The following GRIN2B variants were observed in gnomAD, a reference collection of about 807,000 sequenced individuals.
GRIN2B encodes glutamate ionotropic receptor NMDA type subunit 2B, also known as glutamate receptor ionotropic, NMDA 2B.
GRIN2B carries 5 observed loss-of-function variants against 114.5 expected under a neutral mutation model. The observed-to-expected ratio is 0.04, with a 90% CI of 0.02 to 0.09. The LOEUF is 0.09. Ranked by LOEUF, GRIN2B falls within the 10% of genes least tolerant of loss-of-function variation. The pLI, the probability that GRIN2B is intolerant of heterozygous loss-of-function variation, is 1.00. For missense variants in GRIN2B, 1,108 were observed against 1,943.5 expected, an observed-to-expected ratio of 0.57 and a Z score of 8.08; for synonymous variants, 787 against 745.1, an observed-to-expected ratio of 1.06 and a Z score of -0.92.
intron 3 of GRIN2B, among the ~76,000 whole-genome samples, chr12:13,810,134 C>G (rs576416109): frequency 6.6e-6 from 1 of 152,040 alleles, no homozygotes; most frequent in Admixed American, 6.5e-5. Flanking sequence ...TGAAACCCCA[C>G]CACCCCCCTC....
chr12:13,632,612 T>G (rs1949625550), intron 5 of GRIN2B, among the ~76,000 whole-genome samples: 1 of 152,210 alleles, frequency 6.6e-6, no homozygotes. Flanking sequence ...GGGAAGTTAA[T>G]GAGGTTTGAA....
chr12:13,621,042 A>G (rs1449435868), intron 5 of GRIN2B, among the ~76,000 whole-genome samples: 1 of 152,196 alleles, frequency 6.6e-6, no homozygotes, highest in Non-Finnish European at 1.5e-5. Flanking sequence ...CCAATTCTTT[A>G]TGGAGCAAAG....
intron 4 of GRIN2B, among the ~76,000 whole-genome samples, chr12:13,679,818 A>G (rs1186504682): frequency 6.6e-6 from 1 of 152,160 alleles, no homozygotes; most frequent in African/African-American, 2.4e-5. Flanking sequence ...ACTTCTAGAC[A>G]TGTGATCTTG....
At chr12:13,873,057 C>T (rs1865936576) in intron 2 of GRIN2B, among the ~76,000 whole-genome samples, 1 of 152,202 alleles carries the variant, frequency 6.6e-6, no homozygotes, top group South Asian at 2.1e-4. Context: ...ATGTCCTTAT[C>T]TGAACCTATA....
At chr12:13,740,317 A>G (rs1248966580) in intron 4 of GRIN2B, among the ~76,000 whole-genome samples, 1 of 152,162 alleles carries the variant, frequency 6.6e-6, no homozygotes, top group Non-Finnish European at 1.5e-5. Context: ...AATCAGATGA[A>G]TGCTATGTAT....
intron 4 of GRIN2B, among the ~76,000 whole-genome samples, chr12:13,743,255 C>T (rs1013495897): frequency 2.6e-5 from 4 of 152,120 alleles, no homozygotes; most frequent in Non-Finnish European, 4.4e-5. Flanking sequence ...TAGCTCAGAG[C>T]CCTTTTCTGC....
At chr12:13,644,020 A>G (rs1318365708) in intron 5 of GRIN2B, among the ~76,000 whole-genome samples, 3 of 152,308 alleles carry the variant, frequency 2.0e-5, no homozygotes, top group African/African-American at 7.2e-5. Context: ...GTTAATGTTA[A>G]TATTTTGACC....
At chr12:13,574,807 TAAAGG>T (rs1252841917) in intron 10 of GRIN2B, among the ~76,000 whole-genome samples, 1 of 152,168 alleles carries the variant, frequency 6.6e-6, no homozygotes, top group Non-Finnish European at 1.5e-5. Flanking sequence ...AAAAAAAAGT[TAAAGG>T]ATTTACACTA....
At position 13,802,516 on chromosome 12, in the gene GRIN2B, A is replaced by T. The variant is rs1286112436; in HGVS notation, c.412-48601T>A. On this transcript the variant is annotated intron_variant, in intron 3 of 13. Coordinates refer to ENST00000609686, the MANE Select transcript of GRIN2B (RefSeq NM_000834.5). The stretch of plus-strand genomic sequence containing the variant: ...TAGACAAAAAGATTTATCTACAAGG[A>T]TGTCCATCATTCTATTATTTGTAAA... 2.6e-5 allele frequency among the ~76,000 whole-genome samples: 4 copies of T among 152,276 alleles called. No individual in the cohort carries two copies. In the East Asian group the frequency reaches 7.7e-4, roughly 29 times the overall value.
At chr12:13,834,615 C>A (rs982378305) in intron 3 of GRIN2B, among the ~76,000 whole-genome samples, 4 of 152,192 alleles carry the variant, frequency 2.6e-5, no homozygotes, top group African/African-American at 9.7e-5. Context: ...GGCTAATTGT[C>A]TTGGTGCTCT....
At chr12:13,662,554 G>A (rs1057352716) in intron 5 of GRIN2B, among the ~76,000 whole-genome samples, 2 of 152,222 alleles carry the variant, frequency 1.3e-5, no homozygotes, top group Middle Eastern at 3.4e-3. Context: ...GTATTGATTT[G>A]TTTATATGTT....
intron 3 of GRIN2B, among the ~76,000 whole-genome samples, chr12:13,780,900 G>T (rs1043695784): frequency 4.7e-5 from 7 of 149,898 alleles, no homozygotes; most frequent in Non-Finnish European, 3.0e-5. Context: ...TATAAAACTT[G>T]CAAAAAAGGG....
chr12:13,632,364 C>CA lies in GRIN2B; in HGVS notation c.1126-15708dup, dbSNP rs200805030. The stretch of plus-strand genomic sequence containing the variant: ...ACATGTCAATCTGCAGGAATCACCA[C>CA]AAAATGGGGTTGGGCCAGCCCAGGA... On this transcript the variant is annotated intron_variant, in intron 5 of 13. Transcript: ENST00000609686. Among the ~76,000 whole-genome samples, 1,049 of 152,346 alleles carry CA rather than the reference C, an allele frequency of 6.9e-3. 5 individuals are homozygous for CA. The highest frequency in any genetic ancestry group is 0.024 in the Middle Eastern group (7 of 292).
At chr12:13,626,976 G>A (rs1393342574) in intron 5 of GRIN2B, among the ~76,000 whole-genome samples, 1 of 151,792 alleles carries the variant, frequency 6.6e-6, no homozygotes, top group Non-Finnish European at 1.5e-5. Flanking sequence ...TTGAAGGGTG[G>A]GGCACCTGAC....
At chr12:13,970,465 T>C (rs551036240) in intron 2 of GRIN2B, among the ~76,000 whole-genome samples, 127 of 152,248 alleles carry the variant, frequency 8.3e-4, no homozygotes, top group African/African-American at 3.0e-3. Flanking sequence ...GTCAGCTTTA[T>C]CTTCAATGCA....
At chr12:13,750,284 G>A (rs2136625743) in intron 4 of GRIN2B, among the ~76,000 whole-genome samples, 1 of 152,284 alleles carries the variant, frequency 6.6e-6, no homozygotes, top group African/African-American at 2.4e-5. Flanking sequence ...GGCCACACGG[G>A]AGCATCTCAG....
At chr12:13,706,928 C>T (rs1285364357) in intron 4 of GRIN2B, among the ~76,000 whole-genome samples, 1 of 152,070 alleles carries the variant, frequency 6.6e-6, no homozygotes, top group Non-Finnish European at 1.5e-5. Flanking sequence ...CAGGAACAGC[C>T]ACCCCATCTA....
In GRIN2B at chr12:13,564,715, T is replaced by A. The variant is rs139710344; in HGVS notation, c.2599-76A>T. The A allele has an allele frequency of 2.3e-4, 289 of 1,248,346 alleles. No homozygotes were observed. In the African/African-American group the frequency reaches 3.5e-3, roughly 15 times the overall value. 77.3% of individuals were successfully genotyped at this position (1,248,346 alleles called of 1,614,324 possible). ...ACCACAAAAAACACTCTCCCACCAA[T>A]AATTGCTCCAACTGGATAAGAAAAA... On this transcript the variant is annotated intron_variant, in intron 13 of 13. Transcript: ENST00000609686. This position sits in a 1 kb window ranked among gnomAD's most constrained non-coding sequence, Gnocchi z 4.8.
At chr12:13,569,478 A>G (rs1948680173) in intron 12 of GRIN2B, among the ~76,000 whole-genome samples, 1 of 152,166 alleles carries the variant, frequency 6.6e-6, no homozygotes, top group South Asian at 2.1e-4. Context: ...ATGCTTCTAC[A>G]AGATAAGGAA....
Sources: allele counts gnomAD v4.1 joint callset (sites outside exome capture counted in the v4.1 genomes callset), GRCh38; gene constraint gnomAD v4.1.1; non-coding constraint Gnocchi (gnomAD v3.1); transcripts MANE v1.5; gene names NCBI Gene and HGNC (gene_info 2026-07-23, HGNC 2026-07-21).